The following NOL4 variants were observed in gnomAD, a reference collection of about 807,000 sequenced individuals.
NOL4 encodes cancer/testis antigen 125.
A neutral mutation model predicts 75.9 loss-of-function variants in NOL4; 17 were observed. The observed-to-expected ratio is 0.22, with a 90% confidence interval of 0.15 to 0.34. NOL4 has a LOEUF of 0.34. NOL4 is among the 10% of genes least tolerant of loss of function. The probability of loss-of-function intolerance (pLI) is 1.00; values close to 1 mark genes in which losing one functional copy is unlikely to be tolerated. For missense variants in NOL4, 614 were observed against 793.5 expected (o/e 0.77, Z 2.72); for synonymous variants, 292 against 289.9 (o/e 1.01, Z -0.07).
At chr18:33,948,945 T>G (rs1474942263) in intron 8 of NOL4, among the ~76,000 whole-genome samples, 2 of 152,038 alleles carry the variant, frequency 1.3e-5, no homozygotes, top group African/African-American at 4.8e-5. Context: ...GCTCTAATAT[T>G]GTATAAACCT....
At chr18:34,215,328 A>G (rs1316394871) in intron 1 of NOL4, among the ~76,000 whole-genome samples, 1 of 152,206 alleles carries the variant, frequency 6.6e-6, no homozygotes. Context: ...TATTTATTCC[A>G]TTAATACTGA....
At chr18:33,894,209 C>T (rs1012763603) in intron 9 of NOL4, among the ~76,000 whole-genome samples, 2 of 151,956 alleles carry the variant, frequency 1.3e-5, no homozygotes, top group Non-Finnish European at 1.5e-5. Context: ...AGAAATTCTG[C>T]GAGATCCAGT....
At chr18:34,220,270 G>A (rs2037207050) in intron 1 of NOL4, among the ~76,000 whole-genome samples, 1 of 152,042 alleles carries the variant, frequency 6.6e-6, no homozygotes, top group Non-Finnish European at 1.5e-5. Context: ...GCCTCAGCCT[G>A]TCCTCTCCCC....
chr18:34,096,448 A>T (rs976301779), intron 4 of NOL4, among the ~76,000 whole-genome samples: 1 of 152,126 alleles, frequency 6.6e-6, no homozygotes, highest in Admixed American at 6.5e-5. Flanking sequence ...TAGCAGAGGT[A>T]TATGAAATAT....
chr18:34,183,367 G>A (rs2034198851), intron 1 of NOL4, among the ~76,000 whole-genome samples: 1 of 151,766 alleles, frequency 6.6e-6, no homozygotes, highest in Non-Finnish European at 1.5e-5. Flanking sequence ...TTATAATGGA[G>A]GATTAAAAAC....
rs73414313 is a variant in NOL4 at position 33,854,582 on chromosome 18, A to G, written c.1724-1547T>C. 5.2e-3 allele frequency among the ~76,000 whole-genome samples: 796 copies of G among 152,148 alleles called. 8 individuals are homozygous for G. The highest frequency in any genetic ancestry group is 0.018 in the African/African-American group (749 of 41,536). On this transcript the variant is annotated intron_variant, in intron 10 of 10. Coordinates refer to ENST00000261592, the MANE Select transcript of NOL4 (RefSeq NM_003787.5). ...TTGGAAAATTCTGAGTGGATTAAAAAGGCATTATAACAGGAGTAGTGGTCT... is the reference window on the plus strand; with the variant it reads ...TTGGAAAATTCTGAGTGGATTAAAAGGGCATTATAACAGGAGTAGTGGTCT...
At chr18:33,984,013 C>A (rs1346622390) in intron 6 of NOL4, among the ~76,000 whole-genome samples, 1 of 152,048 alleles carries the variant, frequency 6.6e-6, no homozygotes, top group African/African-American at 2.4e-5. Context: ...CTAAAGAAAT[C>A]ATTTGGGTTT....
At chr18:34,007,979 T>A (rs1478881136) in intron 6 of NOL4, among the ~76,000 whole-genome samples, 1 of 151,988 alleles carries the variant, frequency 6.6e-6, no homozygotes, top group Non-Finnish European at 1.5e-5. Context: ...TCTGGGTGTG[T>A]CTTTGAAGAT....
At chr18:34,055,974 A>G (rs2076819209) in intron 5 of NOL4, among the ~76,000 whole-genome samples, 1 of 152,042 alleles carries the variant, frequency 6.6e-6, no homozygotes. Context: ...ATTCTTTCCT[A>G]TAGTTTCTAC....
At chr18:34,095,315 G>A (rs534371189) in intron 4 of NOL4, among the ~76,000 whole-genome samples, 1 of 150,374 alleles carries the variant, frequency 6.7e-6, no homozygotes, top group East Asian at 2.0e-4. Flanking sequence ...AATGTGGACT[G>A]ACATTATCAG....
chr18:33,995,744 T>G (rs1014852314), intron 6 of NOL4, among the ~76,000 whole-genome samples: 4 of 151,868 alleles, frequency 2.6e-5, no homozygotes, highest in African/African-American at 9.7e-5. Context: ...GCAAATGTCA[T>G]TTTTTATTGA....
At chr18:34,201,683 TC>T (rs2035753506) in intron 1 of NOL4, among the ~76,000 whole-genome samples, 1 of 151,812 alleles carries the variant, frequency 6.6e-6, no homozygotes, top group South Asian at 2.1e-4. Flanking sequence ...TTCAATACAT[TC>T]CTAAGTTCCA....
rs116158264 is a variant in NOL4, at chr18:33,933,072, C to A, written c.1542+9993G>T. Among the ~76,000 whole-genome samples the A allele has an allele frequency of 5.5e-3, 842 of 152,152 alleles. 13 individuals are homozygous for A. Among genetic ancestry groups the A allele is most frequent in the African/African-American group, 0.019 (809 of 41,510 alleles). ...CATACCTCAGAGATACTGAAAGTTCCGTTCTAGACCACTGCAATAAAACAA... is the reference window on the plus strand; with the variant it reads ...CATACCTCAGAGATACTGAAAGTTCAGTTCTAGACCACTGCAATAAAACAA... On this transcript the variant is annotated intron_variant, in intron 9 of 10. Transcript: ENST00000261592.
intron 1 of NOL4, among the ~76,000 whole-genome samples, chr18:34,199,117 T>G (rs1309602814): frequency 6.6e-6 from 1 of 151,672 alleles, no homozygotes; most frequent in African/African-American, 2.4e-5. Flanking sequence ...TGTTCCTTCT[T>G]TTTCAGAGCA....
intron 2 of NOL4, among the ~76,000 whole-genome samples, chr18:34,108,939 T>A (rs774763704): frequency 6.6e-6 from 1 of 152,138 alleles, no homozygotes; most frequent in African/African-American, 2.4e-5. Context: ...AGATCATATG[T>A]TAGGCCACAA....
chr18:33,951,308 T>C (rs2145664361), intron 8 of NOL4, among the ~76,000 whole-genome samples: 1 of 152,248 alleles, frequency 6.6e-6, no homozygotes, highest in South Asian at 2.1e-4. Context: ...AAAAGTAGTT[T>C]CTCTTGAAGA....
chr18:33,945,474 T>TAC (rs2068773515), intron 8 of NOL4, among the ~76,000 whole-genome samples: 1 of 151,782 alleles, frequency 6.6e-6, no homozygotes, highest in Admixed American at 6.6e-5. Context: ...CAACTTTTAC[T>TAC]ACTCAACTTC....
At chr18:34,127,482 T>C (rs1313838004) in intron 2 of NOL4, among the ~76,000 whole-genome samples, 3 of 151,904 alleles carry the variant, frequency 2.0e-5, no homozygotes, top group Non-Finnish European at 4.4e-5. Flanking sequence ...TTAGAAGAAA[T>C]CTTAAACTTA....
At chr18:34,146,215 T>C (rs146354379) in intron 1 of NOL4, among the ~76,000 whole-genome samples, 3 of 152,226 alleles carry the variant, frequency 2.0e-5, no homozygotes, top group Non-Finnish European at 4.4e-5. Context: ...TGCATGTTTC[T>C]CTGCTTTGTC....
Sources: gnomAD v4.1 joint callset for allele counts (sites outside exome capture counted in the v4.1 genomes callset) on GRCh38, gnomAD v4.1.1 for gene constraint, MANE v1.5 for transcripts, NCBI Gene and HGNC (gene_info 2026-07-23, HGNC 2026-07-21) for gene names.